Variants in PLXNA4 observed in about 807,000 individuals in gnomAD.
PLXNA4 encodes the protein plexin A4.
A neutral mutation model predicts 191.8 loss-of-function variants in PLXNA4; 44 were observed. The ratio of observed to expected loss-of-function variants is 0.23; its 90% CI spans 0.18 to 0.29. PLXNA4 has a LOEUF of 0.29. PLXNA4 is among the 10% of genes least tolerant of loss of function. PLXNA4 has a pLI of 1.00. For missense variants in PLXNA4, 1,800 were observed against 2,488.8 expected (o/e 0.72, Z 5.89); for synonymous variants, 1,082 against 1,009.5 (o/e 1.07, Z -1.36).
intron 3 of PLXNA4, among the ~76,000 whole-genome samples, chr7:132,378,028 G>A (rs192808938): frequency 5.9e-5 from 9 of 152,250 alleles, no homozygotes; most frequent in Admixed American, 4.6e-4. Context: ...TTGGAAGTGA[G>A]GGTAGGAAGA....
chr7:132,554,343 G>A (rs1297770221), intron 1 of PLXNA4, among the ~76,000 whole-genome samples: 1 of 152,154 alleles, frequency 6.6e-6, no homozygotes, highest in Non-Finnish European at 1.5e-5. Flanking sequence ...GTGCTATGTG[G>A]TGGAAAGACC....
chr7:132,159,706 CT>C, intron 24 of PLXNA4, 74 bp from the exon 25 acceptor site: 2 of 1,584,588 alleles, frequency 1.3e-6, no homozygotes, highest in Non-Finnish European at 1.7e-6. Flanking sequence ...CAGCAGCACC[CT>C]GGGATTCCGT....
intron 9 of PLXNA4, among the ~76,000 whole-genome samples, chr7:132,215,723 G>A (rs1414751873): frequency 6.6e-6 from 1 of 152,116 alleles, no homozygotes; most frequent in East Asian, 1.9e-4. Flanking sequence ...ATGTAAATCA[G>A]CCTCCATCAA....
intron 4 of PLXNA4, among the ~76,000 whole-genome samples, chr7:132,265,900 GA>G (rs1183688543): frequency 6.6e-6 from 1 of 152,198 alleles, no homozygotes; most frequent in African/African-American, 2.4e-5. Flanking sequence ...AAGAGCAGGG[GA>G]AATGGAGGTG....
intron 2 of PLXNA4, among the ~76,000 whole-genome samples, chr7:132,607,805 C>A (rs1353321369): frequency 4.6e-5 from 7 of 151,806 alleles, no homozygotes; most frequent in Admixed American, 4.6e-4. Flanking sequence ...ATCATCATCA[C>A]TATCACCATC....
In PLXNA4 at chr7:132,626,005, CA is replaced by C. The variant is rs148660913; in HGVS notation, c.-87+19922del. On this transcript the variant is annotated intron_variant, in intron 2 of 4. Coordinates refer to the PLXNA4 transcript ENST00000378539. ...AAGCTTTAAGCAGGTCTTCTCCCCT[CA>C]CAGGCCTCTCTATTCAGTTTATCCC... Among the ~76,000 whole-genome samples, 904 of 152,328 alleles carry C rather than the reference CA, an allele frequency of 5.9e-3. 6 individuals are homozygous for C. The highest frequency in any genetic ancestry group is 0.021 in the African/African-American group (878 of 41,572).
chr7:132,296,028 G>A (rs1361644906), intron 4 of PLXNA4, among the ~76,000 whole-genome samples: 1 of 152,178 alleles, frequency 6.6e-6, no homozygotes, highest in Admixed American at 6.5e-5. Flanking sequence ...CAACACCTGT[G>A]GACTTAATCA....
chr7:132,384,119 C>G (rs779741324), intron 3 of PLXNA4: 1 of 985,334 alleles, frequency 1.0e-6, no homozygotes, highest in Non-Finnish European at 1.2e-6. Context: ...TGAAGGTTCT[C>G]AAGAGCCCTC....
intron 1 of PLXNA4, among the ~76,000 whole-genome samples, chr7:132,517,347 C>T (rs986292145): frequency 2.6e-5 from 4 of 152,188 alleles, no homozygotes; most frequent in African/African-American, 9.7e-5. Context: ...TGTGTTTTCT[C>T]TACGGTTTCT....
intron 2 of PLXNA4, among the ~76,000 whole-genome samples, chr7:132,644,534 C>T (rs1041373602): frequency 4.6e-5 from 7 of 152,190 alleles, no homozygotes; most frequent in African/African-American, 1.7e-4. Flanking sequence ...TCTTCACCAT[C>T]AAAGGGGCTG....
chr7:132,273,016 T>G (rs942223528), intron 4 of PLXNA4, among the ~76,000 whole-genome samples: 2 of 152,218 alleles, frequency 1.3e-5, no homozygotes, highest in African/African-American at 2.4e-5. Context: ...TTTAACTCTG[T>G]AACTCTCTTT....
chr7:132,639,839 A>G (rs1424073580), intron 2 of PLXNA4, among the ~76,000 whole-genome samples: 1 of 152,194 alleles, frequency 6.6e-6, no homozygotes, highest in East Asian at 1.9e-4. Context: ...GACACTTGTA[A>G]ATTTCCAGAC....
chr7:132,163,991 A>C, intron 24 of PLXNA4, 151 bp downstream of exon 24: 1 of 1,274,570 alleles, frequency 7.8e-7, no homozygotes, highest in Non-Finnish European at 1.1e-6. Context: ...GGGGTGATGG[A>C]CACAGCGGGA....
At chr7:132,635,969 A>T (rs1803596839) in intron 2 of PLXNA4, among the ~76,000 whole-genome samples, 1 of 152,178 alleles carries the variant, frequency 6.6e-6, no homozygotes, top group Non-Finnish European at 1.5e-5. Flanking sequence ...TGGGGGATGG[A>T]GGAGGCGGTT....
chr7:132,427,413 C>A (rs77955334), intron 3 of PLXNA4, among the ~76,000 whole-genome samples: 2 of 152,164 alleles, frequency 1.3e-5, no homozygotes, highest in African/African-American at 4.8e-5. Context: ...TTTTTCCTCC[C>A]CTCTCTGGTT....
chr7:132,171,510 C>T (rs12707027), intron 21 of PLXNA4, among the ~76,000 whole-genome samples: 41,097 of 152,086 alleles, frequency 0.27, 8,477 homozygotes, highest in African/African-American at 0.58. Context: ...TCAGACTGGC[C>T]GGCTAAGGGA....
At chr7:132,377,044 A>C (rs1194981520) in intron 3 of PLXNA4, among the ~76,000 whole-genome samples, 5 of 152,232 alleles carry the variant, frequency 3.3e-5, no homozygotes, top group Non-Finnish European at 7.3e-5. Flanking sequence ...GTAAAAACAA[A>C]GTACAGAAAA....
intron 3 of PLXNA4, chr7:132,484,871 T>A: frequency 6.2e-7 from 1 of 1,614,184 alleles, no homozygotes; most frequent in South Asian, 1.1e-5. Flanking sequence ...CTGGACTCTC[T>A]GATCTGATAT....
chr7:132,285,684 C>T (rs2116426574), intron 4 of PLXNA4, among the ~76,000 whole-genome samples: 1 of 152,340 alleles, frequency 6.6e-6, no homozygotes, highest in East Asian at 1.9e-4. Flanking sequence ...AATTAATGTG[C>T]ATCAATTTAC....
Sources: gnomAD v4.1 joint callset for allele counts (sites outside exome capture counted in the v4.1 genomes callset) on GRCh38, gnomAD v4.1.1 for gene constraint, MANE v1.5 for transcripts, NCBI Gene and HGNC (gene_info 2026-07-23, HGNC 2026-07-21) for gene names.